HSD11B1: variants seen among roughly 807,000 people sequenced by gnomAD.
HSD11B1 encodes the protein 11-beta-hydroxysteroid dehydrogenase 1.
Under a neutral mutation model 22.1 loss-of-function variants are expected in HSD11B1, and 15 were observed. The ratio of observed to expected loss-of-function variants is 0.68; its 90% CI spans 0.45 to 1.04. HSD11B1 has a LOEUF of 1.04. Ranked by LOEUF, HSD11B1 falls within the 50% of genes least tolerant of loss-of-function variation. The probability of loss-of-function intolerance (pLI) is 0.00; values close to 1 mark genes in which losing one functional copy is unlikely to be tolerated. For synonymous variants in HSD11B1, 122 were observed against 125.2 expected, an observed-to-expected ratio of 0.97 and a Z score of 0.17; for missense variants, 281 against 357.6, an observed-to-expected ratio of 0.79 and a Z score of 1.73.
intron 4 of HSD11B1, among the ~76,000 whole-genome samples, chr1:209,730,367 T>C (rs2077028265): frequency 6.6e-6 from 1 of 152,242 alleles, no homozygotes. Flanking sequence ...CTAGCCATCA[T>C]ATCTGAGGTT....
At chr1:209,710,520 A>G (rs1475172408) in intron 4 of HSD11B1, among the ~76,000 whole-genome samples, 1 of 152,220 alleles carries the variant, frequency 6.6e-6, no homozygotes, top group East Asian at 1.9e-4. Context: ...TATTTTGGTA[A>G]GTTAACTTTA....
At chr1:209,711,324 A>G (rs560708841) in intron 4 of HSD11B1, among the ~76,000 whole-genome samples, 15 of 152,240 alleles carry the variant, frequency 9.9e-5, no homozygotes, top group Middle Eastern at 3.4e-3. Context: ...GCTGTGCCTC[A>G]GGTTATTGGG....
At chr1:209,729,192 C>T (rs1468307033) in intron 4 of HSD11B1, among the ~76,000 whole-genome samples, 1 of 151,992 alleles carries the variant, frequency 6.6e-6, no homozygotes, top group Non-Finnish European at 1.5e-5. Flanking sequence ...AACCCTGTTT[C>T]TACTAAAAAT....
chr1:209,708,739 T>C (rs371893413), intron 4 of HSD11B1, among the ~76,000 whole-genome samples: 2 of 152,240 alleles, frequency 1.3e-5, no homozygotes, highest in African/African-American at 2.4e-5. Context: ...CTTTCTAGAA[T>C]GTACCCATGA....
intron 1 of HSD11B1, among the ~76,000 whole-genome samples, chr1:209,698,890 G>C (rs1262547651): frequency 1.3e-5 from 2 of 152,126 alleles, no homozygotes; most frequent in Non-Finnish European, 2.9e-5. Context: ...ATAGATTCCA[G>C]GTATTCTACC....
chr1:209,727,081 AT>A (rs2077007015), intron 4 of HSD11B1, among the ~76,000 whole-genome samples: 1 of 152,184 alleles, frequency 6.6e-6, no homozygotes, highest in African/African-American at 2.4e-5. Flanking sequence ...ATCATTCCCG[AT>A]TATCTGAGAG....
intron 4 of HSD11B1, among the ~76,000 whole-genome samples, chr1:209,720,201 C>T (rs1293799816): frequency 1.3e-5 from 2 of 152,022 alleles, no homozygotes; most frequent in African/African-American, 2.4e-5. Flanking sequence ...ACCTGATAGA[C>T]GGCACCTGAT....
rs2076931687 is a variant in HSD11B1 at position 209,716,571 on chromosome 1, A to G, written c.517+9443A>G. On this transcript the variant is annotated intron_variant, in intron 4 of 5. Transcript: ENST00000367027. ...GACATTTTTCATAGAAATAGAAAAA[A>G]AAAACCTAAAATTTGTAGGGACGAA... is the stretch of plus-strand genomic sequence containing the variant. 1.3e-5 allele frequency among the ~76,000 whole-genome samples: 2 copies of G among 152,158 alleles called. 1 individual carries two copies. Among genetic ancestry groups the G allele is most frequent in the Admixed American group, 1.3e-4 (2 of 15,276 alleles).
chr1:209,715,649 C>G (rs1207635401), intron 4 of HSD11B1, among the ~76,000 whole-genome samples: 1 of 152,188 alleles, frequency 6.6e-6, no homozygotes, highest in Non-Finnish European at 1.5e-5. Context: ...AACAGATTAT[C>G]ACCCATTGCA....
At chr1:209,732,371 C>G in intron 4 of HSD11B1, 65 bp from the exon 5 acceptor site, 1 of 1,565,508 alleles carries the variant, frequency 6.4e-7, no homozygotes. Flanking sequence ...ACAAAGCCTA[C>G]TACAGCTCTG....
chr1:209,691,302 G>A (rs781457490), intron 1 of HSD11B1, among the ~76,000 whole-genome samples: 1 of 152,192 alleles, frequency 6.6e-6, no homozygotes, highest in Non-Finnish European at 1.5e-5. Flanking sequence ...TTTGGCCGGG[G>A]TCAGATGGAT....
chr1:209,687,486 C>T (rs999490728), intron 1 of HSD11B1, among the ~76,000 whole-genome samples: 2 of 152,204 alleles, frequency 1.3e-5, no homozygotes, highest in African/African-American at 4.8e-5. Flanking sequence ...AATTTGAGTA[C>T]AGCTAAAAGT....
intron 1 of HSD11B1, among the ~76,000 whole-genome samples, chr1:209,690,696 T>C (rs943993261): frequency 6.6e-6 from 1 of 151,904 alleles, no homozygotes; most frequent in African/African-American, 2.4e-5. Context: ...GAATTCTGTC[T>C]CAAAAAATTA....
upstream of HSD11B1, among the ~76,000 whole-genome samples, chr1:209,703,506 C>A (rs1392970988): frequency 1.3e-5 from 2 of 152,138 alleles, no homozygotes; most frequent in Non-Finnish European, 2.9e-5. Flanking sequence ...CTCTGTCTAG[C>A]CCTCAACTGT....
intron 4 of HSD11B1, among the ~76,000 whole-genome samples, chr1:209,726,043 C>T (rs1044052164): frequency 6.6e-6 from 1 of 151,678 alleles, no homozygotes; most frequent in African/African-American, 2.4e-5. Context: ...TTTTTTTCAC[C>T]AATTAAAAGC....
rs549535293 is a variant in HSD11B1 at position 209,706,697 on chromosome 1, G to A, written c.220-12G>A. The A allele has an allele frequency of 6.3e-6, 10 of 1,594,256 alleles. No homozygotes were observed. The South Asian group carries it at 6.6e-5, about 11-fold the overall frequency. ...AGCTAAGACTGATGCCATTTCTGCT[G>A]TATCACTGCAGGTGGTATCCCACTG... On this transcript the variant is annotated splice_polypyrimidine_tract_variant and intron_variant, in intron 2 of 5. Transcript: ENST00000367027. This position sits in a 1 kb window ranked among gnomAD's most constrained non-coding sequence, Gnocchi z 4.0.
At chr1:209,710,634 G>A (rs899522489) in intron 4 of HSD11B1, among the ~76,000 whole-genome samples, 3 of 152,022 alleles carry the variant, frequency 2.0e-5, no homozygotes, top group Admixed American at 6.5e-5. Flanking sequence ...AAACATACTC[G>A]GCAAGCATAC....
At chr1:209,721,951 C>T (rs2076969632) in intron 4 of HSD11B1, among the ~76,000 whole-genome samples, 2 of 152,148 alleles carry the variant, frequency 1.3e-5, no homozygotes, top group Non-Finnish European at 2.9e-5. Flanking sequence ...ATTGAGGCCC[C>T]TCTCATATGG....
chr1:209,698,961 C>T (rs1412240263), intron 1 of HSD11B1, among the ~76,000 whole-genome samples: 1 of 152,084 alleles, frequency 6.6e-6, no homozygotes, highest in Non-Finnish European at 1.5e-5. Context: ...ACACAGAGGG[C>T]AATTTATCCC....
Sources: allele counts gnomAD v4.1 joint callset (sites outside exome capture counted in the v4.1 genomes callset), GRCh38; gene constraint gnomAD v4.1.1; non-coding constraint Gnocchi (gnomAD v3.1); transcripts MANE v1.5; gene names NCBI Gene and HGNC (gene_info 2026-07-23, HGNC 2026-07-21).